FGGY: variants seen among roughly 807,000 people sequenced by gnomAD.
FGGY encodes the protein FGGY carbohydrate kinase domain containing.
FGGY carries 72 observed loss-of-function variants against 71.3 expected under a neutral mutation model. The ratio of observed to expected loss-of-function variants is 1.01; its 90% CI spans 0.84 to 1.23. The LOEUF is 1.23. Ranked by LOEUF, FGGY falls within the 50% of genes most tolerant of loss-of-function variation. The pLI, the probability that FGGY is intolerant of heterozygous loss-of-function variation, is 0.00. For synonymous variants in FGGY, 251 were observed against 250.3 expected (o/e 1.00, Z -0.02); for missense variants, 668 against 682.3 (o/e 0.98, Z 0.23).
At chr1:59,436,762 C>T (rs1415056347) in intron 5 of FGGY, among the ~76,000 whole-genome samples, 3 of 152,074 alleles carry the variant, frequency 2.0e-5, no homozygotes, top group South Asian at 2.1e-4. Flanking sequence ...AGTTGAATGA[C>T]GGGGTGCAGG....
At chr1:59,489,328 A>G (rs919810960) in intron 6 of FGGY, among the ~76,000 whole-genome samples, 1 of 152,058 alleles carries the variant, frequency 6.6e-6, no homozygotes, top group African/African-American at 2.4e-5. Flanking sequence ...ACTCGCATCT[A>G]GCTGTAATTT....
intron 14 of FGGY, among the ~76,000 whole-genome samples, chr1:59,696,190 G>A (rs2097657240): frequency 6.6e-6 from 1 of 152,138 alleles, no homozygotes; most frequent in African/African-American, 2.4e-5. Context: ...AAGATCAAGT[G>A]TCATCTTCCA....
chr1:59,659,343 T>TA (rs1206568303), intron 11 of FGGY, among the ~76,000 whole-genome samples: 1 of 152,158 alleles, frequency 6.6e-6, no homozygotes, highest in Non-Finnish European at 1.5e-5. Context: ...GGAAGGGACC[T>TA]AGGTAGACCA....
At position 59,328,573 on chromosome 1, in the gene FGGY, C is replaced by T. The variant is rs138641121; in HGVS notation, c.201+6823C>T. 2.3e-3 allele frequency among the ~76,000 whole-genome samples: 354 copies of T among 152,296 alleles called. 2 individuals carry two copies. Among genetic ancestry groups the T allele is most frequent in the African/African-American group, 8.2e-3 (341 of 41,554 alleles). ...CTTATTCAGGTGTTCACTGGAGTAGCGCTTTTAGTTTTCCTTACGAACTTT... is the reference window on the plus strand; with the variant it reads ...CTTATTCAGGTGTTCACTGGAGTAGTGCTTTTAGTTTTCCTTACGAACTTT... On this transcript the variant is annotated intron_variant, in intron 2 of 15. Transcript: ENST00000303721.
In FGGY at chr1:59,626,069, C is replaced by A. The variant is rs944762328; in HGVS notation, c.1073+20C>A. ...AGCCAGGTAACTGCTGTCTCTGTTC[C>A]CTCTAAAATTTTCCTTGTGTGACTG... On this transcript the variant is annotated intron_variant, in intron 10 of 15. Coordinates refer to ENST00000303721, the MANE Select transcript of FGGY (RefSeq NM_018291.5). The A allele has an allele frequency of 6.2e-7, 1 of 1,608,142 alleles. No individual in the cohort carries two copies. Among genetic ancestry groups the A allele is most frequent in the Non-Finnish European group, 8.5e-7 (1 of 1,177,050 alleles).
intron 9 of FGGY, among the ~76,000 whole-genome samples, chr1:59,609,324 C>T (rs969692910): frequency 4.6e-5 from 7 of 152,078 alleles, no homozygotes; most frequent in African/African-American, 1.7e-4. Flanking sequence ...CCAAGAGGAA[C>T]CAGTGAAAGG....
chr1:59,732,914 C>T (rs956559429), intron 14 of FGGY, among the ~76,000 whole-genome samples: 3 of 152,094 alleles, frequency 2.0e-5, no homozygotes, highest in Non-Finnish European at 2.9e-5. Flanking sequence ...CCCCCGAGTA[C>T]CTGGATGCAC....
intron 2 of FGGY, among the ~76,000 whole-genome samples, chr1:59,337,488 A>T (rs543476841): frequency 6.6e-6 from 1 of 152,064 alleles, no homozygotes; most frequent in Non-Finnish European, 1.5e-5. Context: ...CCACATGTCA[A>T]TCTCCTCTGG....
At chr1:59,431,989 A>G (rs2067459123) in intron 5 of FGGY, among the ~76,000 whole-genome samples, 1 of 152,188 alleles carries the variant, frequency 6.6e-6, no homozygotes, top group African/African-American at 2.4e-5. Flanking sequence ...GGTCACTAGA[A>G]AGACCATGTG....
At position 59,567,996 on chromosome 1, in the gene FGGY, C is replaced by G. The variant is rs576266795; in HGVS notation, c.903+13769C>G. ...GCATCTGCACACGCTTGTTTGAATT[C>G]TATGGAACCAGAGATGTTTGAGCAT... On this transcript the variant is annotated intron_variant, in intron 8 of 15. Transcript: ENST00000303721. Among the ~76,000 whole-genome samples, 8 of 151,884 alleles carry G rather than the reference C, an allele frequency of 5.3e-5. No individual in the cohort carries two copies. The South Asian group carries it at 1.5e-3, about 28-fold the overall frequency.
chr1:59,533,329 G>A (rs572923308), intron 7 of FGGY, among the ~76,000 whole-genome samples: 12 of 152,316 alleles, frequency 7.9e-5, no homozygotes, highest in South Asian at 4.1e-4. Flanking sequence ...ATTATATCCC[G>A]CACCTGGCTC....
chr1:59,513,570 CT>C (rs2094568037), intron 7 of FGGY, among the ~76,000 whole-genome samples: 1 of 152,156 alleles, frequency 6.6e-6, no homozygotes, highest in African/African-American at 2.4e-5. Context: ...CTAAATTATG[CT>C]TTTTTTCAGC....
chr1:59,374,592 GAC>G (rs1167135124), intron 4 of FGGY, among the ~76,000 whole-genome samples: 4 of 152,060 alleles, frequency 2.6e-5, no homozygotes, highest in Non-Finnish European at 5.9e-5. Flanking sequence ...CTGCTATAAA[GAC>G]ACATGCACAC....
At position 59,321,750 on chromosome 1, in the gene FGGY, G is replaced by A; in HGVS notation, c.201G>A (p.Lys67=). Residue 67 remains lysine (K), a splice_region_variant and synonymous_variant, in exon 2 of 16, where the codon AAG becomes AAA. Coordinates refer to ENST00000303721, the MANE Select transcript of FGGY (RefSeq NM_018291.5). ...GGGCTGCGTGCTGTGTTGTCACAAA[G>A]GTATGGGCAAAACTGGTGTTCTCTC... The part of the protein sequence containing the change: ...DIWAACCVVT[K]KVVQGIDLNQ... 6.2e-7 allele frequency: 1 copy of A among 1,608,872 alleles called. No homozygotes were observed. Among genetic ancestry groups the A allele is most frequent in the Non-Finnish European group, 8.5e-7 (1 of 1,178,034 alleles).
intron 6 of FGGY, among the ~76,000 whole-genome samples, chr1:59,504,481 T>A (rs902096381): frequency 1.3e-5 from 2 of 152,152 alleles, no homozygotes; most frequent in African/African-American, 4.8e-5. Context: ...AAGTAGATAA[T>A]GTCAGAATTG....
At chr1:59,358,615 A>G (rs1177372508) in intron 4 of FGGY, among the ~76,000 whole-genome samples, 1 of 152,166 alleles carries the variant, frequency 6.6e-6, no homozygotes, top group Non-Finnish European at 1.5e-5. Flanking sequence ...TCCTTGCTTT[A>G]TGACTTATGT....
At chr1:59,625,841 A>G in intron 9 of FGGY, 147 bp from the exon 10 acceptor site, 1 of 505,862 alleles carries the variant, frequency 2.0e-6, no homozygotes, top group Non-Finnish European at 3.4e-6. Flanking sequence ...TAGCTGAGGC[A>G]CTCTTGCTAC....
chr1:59,718,918 C>T (rs1426142013), intron 14 of FGGY, among the ~76,000 whole-genome samples: 2 of 152,216 alleles, frequency 1.3e-5, no homozygotes, highest in Non-Finnish European at 1.5e-5. Flanking sequence ...TTCCTGACCC[C>T]CCTATAACTG....
chr1:59,450,664 C>CT (rs1342722531), intron 5 of FGGY, among the ~76,000 whole-genome samples: 1 of 151,910 alleles, frequency 6.6e-6, no homozygotes, highest in Non-Finnish European at 1.5e-5. Context: ...ATAGAATTGT[C>CT]TTTTTTCAAA....
Sources: gnomAD v4.1 joint callset for allele counts (sites outside exome capture counted in the v4.1 genomes callset) on GRCh38, gnomAD v4.1.1 for gene constraint, MANE v1.5 for transcripts, NCBI Gene and HGNC (gene_info 2026-07-23, HGNC 2026-07-21) for gene names.